Variants in XKR9 observed in about 807,000 individuals in gnomAD.
XKR9 encodes XK related 9, also known as XK-related protein 9.
In XKR9, 32 loss-of-function variants were observed where a neutral mutation model predicts 32.0. That is an observed-to-expected ratio of 1.00 (90% CI 0.76 to 1.34). The LOEUF is 1.34. XKR9 is among the 40% of genes most tolerant of loss of function. The pLI is 0.00. For missense variants in XKR9, 546 were observed against 429.7 expected, an observed-to-expected ratio of 1.27 and a Z score of -2.39; for synonymous variants, 168 against 143.4, an observed-to-expected ratio of 1.17 and a Z score of -1.22.
chr8:70,691,419 G>C (rs931149087), intron 3 of XKR9, among the ~76,000 whole-genome samples: 2 of 152,100 alleles, frequency 1.3e-5, no homozygotes, highest in Non-Finnish European at 2.9e-5. Context: ...AGTTTAGTTA[G>C]ATCTCATTTG....
At chr8:71,028,592 A>G in the XKR9 span, among the ~76,000 whole-genome samples, 1 of 152,180 alleles carries the variant, frequency 6.6e-6, no homozygotes, top group Non-Finnish European at 1.5e-5. Flanking sequence ...TATATTTAAT[A>G]TTTATTTCAA....
the XKR9 span, among the ~76,000 whole-genome samples, chr8:70,987,440 G>T: frequency 6.6e-6 from 1 of 152,228 alleles, no homozygotes. Flanking sequence ...GGGCTATAGA[G>T]CCCATGAAGT....
the XKR9 span, among the ~76,000 whole-genome samples, chr8:71,031,348 G>A: frequency 6.6e-6 from 1 of 152,114 alleles, no homozygotes; most frequent in African/African-American, 2.4e-5. Context: ...TGCATATACA[G>A]GACATTAAAA....
the XKR9 span, among the ~76,000 whole-genome samples, chr8:70,979,592 G>T: frequency 3.1e-4 from 47 of 152,218 alleles, no homozygotes; most frequent in Non-Finnish European, 5.1e-4. Flanking sequence ...AAATATTGCA[G>T]AACAGCAAAT....
chr8:70,783,301 A>G (rs1411159234), intron 2 of XKR9, among the ~76,000 whole-genome samples: 1 of 150,720 alleles, frequency 6.6e-6, no homozygotes, highest in Non-Finnish European at 1.5e-5. Context: ...ATCTTGGCTC[A>G]CTGCAAGCTC....
At chr8:71,035,501 A>G in the XKR9 span, among the ~76,000 whole-genome samples, 6 of 152,220 alleles carry the variant, frequency 3.9e-5, no homozygotes, top group Non-Finnish European at 7.3e-5. Context: ...TCTTGTATTT[A>G]TCAGACATTC....
chr8:71,036,143 A>G, the XKR9 span, among the ~76,000 whole-genome samples: 30 of 152,282 alleles, frequency 2.0e-4, no homozygotes, highest in African/African-American at 7.0e-4. Context: ...ATACATTTAT[A>G]TGTTTTTCTC....
the XKR9 span, among the ~76,000 whole-genome samples, chr8:70,975,293 G>A: frequency 6.6e-6 from 1 of 152,182 alleles, no homozygotes; most frequent in Non-Finnish European, 1.5e-5. Flanking sequence ...TGCTTTTGGT[G>A]TTTTAGTCAT....
chr8:70,853,616 C>A, the XKR9 span, among the ~76,000 whole-genome samples: 1 of 150,740 alleles, frequency 6.6e-6, no homozygotes, highest in Non-Finnish European at 1.5e-5. Context: ...CATATGTATA[C>A]ATGTGCCATG....
the XKR9 span, among the ~76,000 whole-genome samples, chr8:71,005,680 T>C: frequency 1.3e-5 from 2 of 152,278 alleles, no homozygotes; most frequent in East Asian, 3.9e-4. Context: ...AGTATGAACA[T>C]TAAGGCATAT....
the XKR9 span, among the ~76,000 whole-genome samples, chr8:70,928,550 C>A: frequency 6.6e-6 from 1 of 152,010 alleles, no homozygotes; most frequent in African/African-American, 2.4e-5. Flanking sequence ...ATTTTACCAC[C>A]TTTTGGGAAA....
the XKR9 span, among the ~76,000 whole-genome samples, chr8:70,890,854 G>A: frequency 6.6e-6 from 1 of 151,912 alleles, no homozygotes; most frequent in Non-Finnish European, 1.5e-5. Context: ...TTTTCTGGAA[G>A]AGTTTAAAAA....
intron 4 of XKR9, among the ~76,000 whole-genome samples, chr8:70,710,278 A>T (rs1361149213): frequency 6.6e-6 from 1 of 152,236 alleles, no homozygotes; most frequent in Non-Finnish European, 1.5e-5. Flanking sequence ...TTTACCATAT[A>T]CAAAAATCAA....
At chr8:70,782,504 A>T (rs889085390) in intron 2 of XKR9, among the ~76,000 whole-genome samples, 1 of 151,886 alleles carries the variant, frequency 6.6e-6, no homozygotes, top group East Asian at 1.9e-4. Flanking sequence ...ATTCCTTCTG[A>T]GATTTTTTAC....
the XKR9 span, among the ~76,000 whole-genome samples, chr8:71,020,962 T>C: frequency 0.43 from 65,841 of 152,036 alleles, 15,319 homozygotes; most frequent in Non-Finnish European, 0.53. Context: ...TTATTTATCT[T>C]ACAGTTGTTC....
chr8:70,907,770 C>T, the XKR9 span, among the ~76,000 whole-genome samples: 1 of 152,192 alleles, frequency 6.6e-6, no homozygotes, highest in East Asian at 1.9e-4. Context: ...TTTTAAATAT[C>T]ATGTCATATT....
chr8:70,945,614 C>T, the XKR9 span, among the ~76,000 whole-genome samples: 3 of 152,102 alleles, frequency 2.0e-5, no homozygotes, highest in Non-Finnish European at 4.4e-5. Flanking sequence ...CTAGACACTA[C>T]CTAACTCCAT....
chr8:70,826,121 T>C, the XKR9 span, among the ~76,000 whole-genome samples: 1 of 152,086 alleles, frequency 6.6e-6, no homozygotes, highest in Non-Finnish European at 1.5e-5. Flanking sequence ...GTCTTTGTTT[T>C]CCAAGGGAAG....
the XKR9 span, among the ~76,000 whole-genome samples, chr8:70,893,030 T>C: frequency 6.6e-6 from 1 of 152,192 alleles, no homozygotes; most frequent in Admixed American, 6.5e-5. Flanking sequence ...TTCATGTTTT[T>C]TTCATTCTTA....
Sources: gnomAD v4.1 joint callset for allele counts (sites outside exome capture counted in the v4.1 genomes callset) on GRCh38, gnomAD v4.1.1 for gene constraint, MANE v1.5 for transcripts, NCBI Gene and HGNC (gene_info 2026-07-23, HGNC 2026-07-21) for gene names.